The following EYS variants were observed in gnomAD, a reference collection of about 807,000 sequenced individuals.
The protein encoded by EYS is protein eyes shut homolog.
A neutral mutation model predicts 282.1 loss-of-function variants in EYS; 250 were observed. The ratio of observed to expected loss-of-function variants is 0.89; its 90% CI spans 0.80 to 0.98. EYS has a LOEUF of 0.98. EYS is among the 50% of genes least tolerant of loss of function. The pLI is 0.00. For synonymous variants in EYS, 1,355 were observed against 1,282.9 expected (o/e 1.06, Z -1.20); for missense variants, 4,016 against 3,709.0 (o/e 1.08, Z -2.15).
intron 31 of EYS, among the ~76,000 whole-genome samples, chr6:64,187,096 TG>T (rs1373429539): frequency 5.3e-5 from 8 of 152,252 alleles, no homozygotes; most frequent in African/African-American, 1.9e-4. Flanking sequence ...GACTAAACTC[TG>T]TCTAGATATG....
intron 30 of EYS, among the ~76,000 whole-genome samples, chr6:64,249,928 A>G (rs1275753395): frequency 6.6e-6 from 1 of 152,210 alleles, no homozygotes; most frequent in East Asian, 1.9e-4. Flanking sequence ...CCTCTCAGGT[A>G]CGAGGCAGAG....
At position 65,364,446 on chromosome 6, in the gene EYS, A is replaced by T. The variant is rs184333970; in HGVS notation, c.1300-10829T>A. ...TGATAACCTTGCATGAGTTGAAAAAAATTTTTTCAAATAGTCCACTCATTA... is the reference window on the plus strand; with the variant it reads ...TGATAACCTTGCATGAGTTGAAAAATATTTTTTCAAATAGTCCACTCATTA... On this transcript the variant is annotated intron_variant, in intron 8 of 42. Coordinates refer to ENST00000503581, the MANE Select transcript of EYS (RefSeq NM_001142800.2). Among the ~76,000 whole-genome samples the T allele has an allele frequency of 2.9e-3, 432 of 151,426 alleles. 1 individual carries two copies. The highest frequency in any genetic ancestry group is 5.3e-3 in the Non-Finnish European group (361 of 67,856).
intron 22 of EYS, among the ~76,000 whole-genome samples, chr6:64,656,425 A>T (rs1312276518): frequency 6.6e-6 from 1 of 152,106 alleles, no homozygotes; most frequent in Non-Finnish European, 1.5e-5. Context: ...AGGTCTTGAG[A>T]ACTTTTCCAA....
At chr6:65,082,597 C>A (rs1444874035) in intron 12 of EYS, among the ~76,000 whole-genome samples, 1 of 151,976 alleles carries the variant, frequency 6.6e-6, no homozygotes, top group Non-Finnish European at 1.5e-5. Flanking sequence ...TATTAAGGCA[C>A]TGGCAAAATT....
intron 26 of EYS, among the ~76,000 whole-genome samples, chr6:64,507,893 G>T (rs533023053): frequency 6.6e-6 from 1 of 152,134 alleles, no homozygotes; most frequent in African/African-American, 2.4e-5. Flanking sequence ...AGAAAGAATG[G>T]ACTCACAGGC....
chr6:64,537,851 T>A (rs1764576510), intron 26 of EYS, among the ~76,000 whole-genome samples: 1 of 152,206 alleles, frequency 6.6e-6, no homozygotes, highest in South Asian at 2.1e-4. Context: ...TAAAAGAATG[T>A]TTAGAAATCA....
chr6:65,664,711 A>C (rs1768140651), intron 1 of EYS, among the ~76,000 whole-genome samples: 1 of 152,156 alleles, frequency 6.6e-6, no homozygotes. Context: ...TATGCTCACA[A>C]ATAAACAGGA....
intron 31 of EYS, among the ~76,000 whole-genome samples, chr6:64,212,545 G>A (rs539745852): frequency 1.4e-4 from 21 of 151,232 alleles, no homozygotes; most frequent in South Asian, 8.4e-4. Context: ...CAACCTGCTC[G>A]TGTACAATTT....
At chr6:64,883,874 A>G (rs1399377486) in intron 19 of EYS, among the ~76,000 whole-genome samples, 1 of 151,542 alleles carries the variant, frequency 6.6e-6, no homozygotes, top group African/African-American at 2.4e-5. Flanking sequence ...TTAATTAAAA[A>G]TACTCTAGAT....
chr6:65,522,127 A>T (rs746928846), intron 2 of EYS, among the ~76,000 whole-genome samples: 7 of 152,206 alleles, frequency 4.6e-5, no homozygotes, highest in Non-Finnish European at 4.4e-5. Context: ...CTAAAAAAAT[A>T]CTCTGATGTA....
intron 2 of EYS, among the ~76,000 whole-genome samples, chr6:65,539,798 A>T (rs976735317): frequency 6.6e-6 from 1 of 152,196 alleles, no homozygotes; most frequent in African/African-American, 2.4e-5. Context: ...TTCAATCTTG[A>T]AAGTATTAAA....
At chr6:64,323,787 T>C (rs976868255) in intron 29 of EYS, among the ~76,000 whole-genome samples, 6 of 152,126 alleles carry the variant, frequency 3.9e-5, no homozygotes, top group African/African-American at 1.4e-4. Context: ...AGTAGAAATA[T>C]GTCCATAATG....
At chr6:65,178,542 A>G (rs1272269986) in intron 12 of EYS, among the ~76,000 whole-genome samples, 1 of 152,048 alleles carries the variant, frequency 6.6e-6, no homozygotes, top group Non-Finnish European at 1.5e-5. Context: ...CCAATACAGG[A>G]GCACCCAGAT....
chr6:65,101,147 G>A (rs1427957424), intron 12 of EYS, among the ~76,000 whole-genome samples: 1 of 151,082 alleles, frequency 6.6e-6, no homozygotes, highest in Non-Finnish European at 1.5e-5. Flanking sequence ...GAAGTGGCAA[G>A]CATTTATTTA....
chr6:64,810,506 C>A (rs1232036774), intron 22 of EYS, among the ~76,000 whole-genome samples: 1 of 151,894 alleles, frequency 6.6e-6, no homozygotes, highest in East Asian at 1.9e-4. Flanking sequence ...GTGAATCTTA[C>A]AACACAACAA....
chr6:64,724,852 A>G (rs1432623366), intron 22 of EYS, among the ~76,000 whole-genome samples: 1 of 152,164 alleles, frequency 6.6e-6, no homozygotes, highest in Non-Finnish European at 1.5e-5. Flanking sequence ...TAAGAAAAAT[A>G]ATTTGTAAAA....
intron 33 of EYS, among the ~76,000 whole-genome samples, chr6:64,034,965 T>C (rs910086308): frequency 1.3e-5 from 2 of 152,190 alleles, no homozygotes; most frequent in African/African-American, 4.8e-5. Context: ...CTGTTTGGAA[T>C]TAAAAGGGAT....
chr6:64,333,372 G>A (rs192567411), intron 29 of EYS, among the ~76,000 whole-genome samples: 20 of 152,062 alleles, frequency 1.3e-4, no homozygotes, highest in African/African-American at 4.6e-4. Context: ...AATAATATTG[G>A]GACCATCTGT....
At chr6:63,994,303 G>T (rs12110995) in intron 34 of EYS, among the ~76,000 whole-genome samples, 11,913 of 151,888 alleles carry the variant, frequency 0.078, 1,123 homozygotes, top group African/African-American at 0.23. Flanking sequence ...CAAGCCTTAA[G>T]TAGGAACAGA....
Sources: gnomAD v4.1 joint callset for allele counts (sites outside exome capture counted in the v4.1 genomes callset) on GRCh38, gnomAD v4.1.1 for gene constraint, MANE v1.5 for transcripts, NCBI Gene and HGNC (gene_info 2026-07-23, HGNC 2026-07-21) for gene names.